Variants in SRRM5 observed in about 807,000 individuals in gnomAD.
SRRM5 encodes serine/arginine repetitive matrix protein 5.
SRRM5 carries 1 observed loss-of-function variant against 1.3 expected under a neutral mutation model. That is an observed-to-expected ratio of 0.76 (90% CI 0.27 to 3.59). SRRM5 has a LOEUF of 3.59. Among genes scored for constraint, SRRM5 ranks in the 30% most tolerant of loss-of-function variants. The probability of loss-of-function intolerance (pLI) is 0.19; values close to 1 mark genes in which losing one functional copy is unlikely to be tolerated. For synonymous variants in SRRM5, 275 were observed against 320.2 expected (o/e 0.86, Z 1.51); for missense variants, 875 against 914.5 (o/e 0.96, Z 0.56).
rs1303808991 is a variant in SRRM5, at chr19:43,613,398, G to C, written c.1277G>C (p.Ser426Thr). The part of the protein sequence containing the change: ...SRSPYKARDR[S>T]RSRSPNKARD... ...AGTCCCTACAAGGCGAGAGATCGCA[G>C]CCGATCTAGAAGTCCCAACAAGGCG... is the stretch of plus-strand genomic sequence containing the variant. The change falls in exon 1 of 1, where the codon AGC becomes ACC. Residue 426 changes from serine to threonine, a missense_variant. Coordinates refer to ENST00000417606, the MANE Select transcript of SRRM5 (RefSeq NM_001145641.2). 5 of 1,530,826 alleles carry C rather than the reference G, an allele frequency of 3.3e-6. No homozygotes were observed. In the Admixed American group the frequency reaches 8.1e-5, roughly 25 times the overall value. The allele number at this position is 1,530,826 out of a possible 1,614,324, so 94.8% of individuals were successfully genotyped here.
chr19:43,612,952 G>C lies in SRRM5; in HGVS notation c.831G>C (p.Arg277Ser). The change falls in exon 1 of 1, where the codon AGG becomes AGC. Residue 277 changes from arginine to serine, a missense_variant. By Grantham distance (110) the Arg-to-Ser change is moderately radical. Transcript: ENST00000417606. The surrounding 1 kb of genome is among the most constrained non-coding windows in gnomAD (Gnocchi z 4.2). Reference sequence around the variant, plus strand: ...ATAACCAGGCCAGCACCCGCAGCAGGCCGCAAAGTCACAGCCAATCTAGAA... The same window carrying C: ...ATAACCAGGCCAGCACCCGCAGCAGCCCGCAAAGTCACAGCCAATCTAGAA... ...KSYNQASTRS[R>S]PQSHSQSRSP... The C allele has an allele frequency of 6.4e-7, 1 of 1,551,682 alleles. No homozygotes were observed. The highest frequency in any genetic ancestry group is 8.7e-7 in the Non-Finnish European group (1 of 1,146,978).
At position 43,613,835 on chromosome 19, in the gene SRRM5, T is replaced by C. The variant is rs1051349338; in HGVS notation, c.1714T>C (p.Trp572Arg). 1.9e-6 allele frequency: 3 copies of C among 1,549,216 alleles called. No homozygotes were observed. The highest frequency in any genetic ancestry group is 2.6e-6 in the Non-Finnish European group (3 of 1,145,266). Residue 572 changes from tryptophan to arginine, a missense_variant, in exon 1 of 1, where the codon TGG becomes CGG. Transcript: ENST00000417606. Reference sequence around the variant, plus strand: ...CAGCAAAGAGAGAGATCGCAGACGATGGAGAAGCCCCAGCAAGGAGAGAGA... The same window carrying C: ...CAGCAAAGAGAGAGATCGCAGACGACGGAGAAGCCCCAGCAAGGAGAGAGA... ...SPSKERDRRR[W>R]RSPSKERERR...
chr19:43,613,060 G>A lies in SRRM5; in HGVS notation c.939G>A (p.Arg313=), dbSNP rs1352599502. 9.7e-6 allele frequency: 15 copies of A among 1,551,588 alleles called. No homozygotes were observed. The highest frequency in any genetic ancestry group is 1.2e-5 in the Non-Finnish European group (14 of 1,146,978). ...ACAGTTGGAAGAGAAACCATAGCAG[G>A]GCAAGAAGTCGCACCCGGAAGGGAA... The part of the protein sequence containing the change: ...RSHSWKRNHS[R]ARSRTRKGIL... The change falls in exon 1 of 1, where the codon AGG becomes AGA. Residue 313 remains arginine (R), a synonymous_variant. Transcript: ENST00000417606.
rs376502140 is a variant in SRRM5, at chr19:43,614,074, C to T, written c.1953C>T (p.Asp651=). The change falls in exon 1 of 1, where the codon GAC becomes GAT. Residue 651 remains aspartate (D), a synonymous_variant. Transcript: ENST00000417606. The part of the protein sequence containing the change: ...PSQSTVPRSP[D]WKRSPTRTSS... ...AATCTACAGTCCCCAGAAGTCCCGA[C>T]TGGAAGAGATCCCCTACTAGGACAA... The T allele has an allele frequency of 5.8e-6, 9 of 1,559,278 alleles. No individual in the cohort carries two copies. The African/African-American group carries it at 1.2e-4, about 21-fold the overall frequency.
chr19:43,613,263 G>T lies in SRRM5; in HGVS notation c.1142G>T (p.Ser381Ile). 1.3e-6 allele frequency: 2 copies of T among 1,551,640 alleles called. No homozygotes were observed. The highest frequency in any genetic ancestry group is 1.7e-6 in the Non-Finnish European group (2 of 1,146,978). Residue 381 changes from serine (S) to isoleucine (I), a missense_variant, in exon 1 of 1, where the codon AGC becomes ATC. By Grantham distance (142) the Ser-to-Ile change is moderately radical. Coordinates refer to ENST00000417606, the MANE Select transcript of SRRM5 (RefSeq NM_001145641.2). ...AAAGAGAGAGATCACAGGGGATCTA[G>T]CAGCCCCAGGAAGGAGAGTGGTCGC... ...SSKERDHRGS[S>I]SPRKESGRSQ...
At position 43,613,321 on chromosome 19, in the gene SRRM5, T is replaced by C; in HGVS notation, c.1200T>C (p.Asp400=). 6.4e-7 allele frequency: 1 copy of C among 1,551,008 alleles called. No homozygotes were observed. The highest frequency in any genetic ancestry group is 8.7e-7 in the Non-Finnish European group (1 of 1,146,880). Residue 400 remains aspartate, a synonymous_variant, in exon 1 of 1, where the codon GAT becomes GAC. Coordinates refer to ENST00000417606, the MANE Select transcript of SRRM5 (RefSeq NM_001145641.2). Reference sequence around the variant, plus strand: ...CAGGAAGCCCCAACAAGCAGAGAGATCACAGCCGATCTAGAAGTCCCAACA... The same window carrying C: ...CAGGAAGCCCCAACAAGCAGAGAGACCACAGCCGATCTAGAAGTCCCAACA... ...SQSGSPNKQR[D]HSRSRSPNKA... is the part of the protein sequence containing the mutation.
Position 43,612,453 on chromosome 19 carries a change from G to A in SRRM5, c.332G>A (p.Cys111Tyr). 2.6e-6 allele frequency: 4 copies of A among 1,551,564 alleles called. No individual in the cohort carries two copies. In the South Asian group the frequency reaches 3.6e-5, roughly 14 times the overall value. ...SKASKASDVR[C>Y]HQRRGTHSRG... ...GCCAGCAAGGCCAGCGACGTGAGAT[G>A]CCACCAGCGGAGGGGCACACACAGC... The change falls in exon 1 of 1, where the codon TGC becomes TAC. Residue 111 changes from cysteine to tyrosine, a missense_variant. Transcript: ENST00000417606. The surrounding 1 kb of genome is among the most constrained non-coding windows in gnomAD (Gnocchi z 4.2).
Position 43,614,426 on chromosome 19 carries a change from A to C in SRRM5, c.*157A>C. On this transcript the variant is annotated 3_prime_UTR_variant, in exon 1 of 1. Transcript: ENST00000417606. ...TCTAATACAGGATGTTGGCAGGTAG[A>C]GAGGGATGCTGGATAGGGGGAAAGG... is the stretch of plus-strand genomic sequence containing the variant. 6.8e-7 allele frequency: 1 copy of C among 1,460,190 alleles called. No homozygotes were observed. The highest frequency in any genetic ancestry group is 1.4e-5 in the African/African-American group (1 of 70,376). The allele number at this position is 1,460,190 out of a possible 1,614,324, so 90.5% of individuals were successfully genotyped here. A position where few individuals can be genotyped will look rare whatever the true frequency, so the allele number is the denominator to read the frequency against.
At position 43,614,341 on chromosome 19, in the gene SRRM5, C is replaced by A; in HGVS notation, c.*72C>A. On this transcript the variant is annotated 3_prime_UTR_variant, in exon 1 of 1. Transcript: ENST00000417606. ...GGGACAGGAGACAGGAGCAGAGCAG[C>A]AGCTGAGCAGCGTCCCTCCCCGGCC... 1 of 1,560,194 alleles carries A rather than the reference C, an allele frequency of 6.4e-7. No homozygotes were observed. Among genetic ancestry groups the A allele is most frequent in the South Asian group, 1.2e-5 (1 of 81,820 alleles).
rs1395652638 is a variant in SRRM5, at chr19:43,612,182, A to G, written c.61A>G (p.Met21Val). ...GTCTCTGGCACCCAGTGGATCCTCC[A>G]TGCCCACTGCGGATCCCAAGCCTCC... ...SMSLAPSGSS[M>V]PTADPKPPAS... Residue 21 changes from methionine (M) to valine (V), a missense_variant, in exon 1 of 1, where the codon ATG (methionine) becomes GTG (valine). By Grantham distance (21) the Met-to-Val change is conservative (BLOSUM62 1). Coordinates refer to ENST00000417606, the MANE Select transcript of SRRM5 (RefSeq NM_001145641.2). This position sits in a 1 kb window ranked among gnomAD's most constrained non-coding sequence, Gnocchi z 4.2. The G allele has an allele frequency of 6.4e-7, 1 of 1,551,720 alleles. No individual in the cohort carries two copies. Among genetic ancestry groups the G allele is most frequent in the African/African-American group, 1.4e-5 (1 of 73,174 alleles).
Position 43,612,860 on chromosome 19 carries a change from C to A in SRRM5, c.739C>A (p.Gln247Lys), listed in dbSNP as rs1973317623. Residue 247 changes from glutamine to lysine, a missense_variant, in exon 1 of 1, where the codon CAG becomes AAG. Gln to Lys is a moderately conservative substitution (Grantham distance 53). Coordinates refer to ENST00000417606, the MANE Select transcript of SRRM5 (RefSeq NM_001145641.2). The surrounding 1 kb of genome is among the most constrained non-coding windows in gnomAD (Gnocchi z 4.2). Reference protein sequence around the residue: ...SSSRKVKSYGQMIIPSREKSY... With the variant: ...SSSRKVKSYGKMIIPSREKSY... Reference sequence around the variant, plus strand: ...ATCAAGGAAGGTGAAGAGCTACGGTCAGATGATCATCCCCAGTAGGGAAAA... The same window carrying A: ...ATCAAGGAAGGTGAAGAGCTACGGTAAGATGATCATCCCCAGTAGGGAAAA... The A allele has an allele frequency of 6.4e-7, 1 of 1,551,586 alleles. No homozygotes were observed. Among genetic ancestry groups the A allele is most frequent in the Non-Finnish European group, 8.7e-7 (1 of 1,147,014 alleles).
At position 43,613,401 on chromosome 19, in the gene SRRM5, G is replaced by T. The variant is rs192490029; in HGVS notation, c.1280G>T (p.Arg427Leu). ...RSPYKARDRS[R>L]SRSPNKARDC... Reference sequence around the variant, plus strand: ...CCCTACAAGGCGAGAGATCGCAGCCGATCTAGAAGTCCCAACAAGGCGAGA... The same window carrying T: ...CCCTACAAGGCGAGAGATCGCAGCCTATCTAGAAGTCCCAACAAGGCGAGA... The change falls in exon 1 of 1, where the codon CGA becomes CTA. Residue 427 changes from arginine to leucine, a missense_variant. Arg to Leu is a moderately radical substitution (Grantham distance 102). Coordinates refer to ENST00000417606, the MANE Select transcript of SRRM5 (RefSeq NM_001145641.2). The T allele has an allele frequency of 6.5e-7, 1 of 1,530,216 alleles. No homozygotes were observed. The highest frequency in any genetic ancestry group is 1.2e-5 in the South Asian group (1 of 83,046). 94.8% of individuals were successfully genotyped at this position (1,530,216 alleles called of 1,614,324 possible). A position where few individuals can be genotyped will look rare whatever the true frequency, so the allele number is the denominator to read the frequency against.
chr19:43,613,832 C>T lies in SRRM5; in HGVS notation c.1711C>T (p.Arg571Ter), dbSNP rs140088988. The T allele has an allele frequency of 1.9e-5, 29 of 1,549,418 alleles. No individual in the cohort carries two copies. In the East Asian group the frequency reaches 2.4e-4, roughly 13 times the overall value. ...CCCCAGCAAAGAGAGAGATCGCAGA[C>T]GATGGAGAAGCCCCAGCAAGGAGAG... Residue 571 changes from arginine (R) to a stop codon, truncating the protein, a stop_gained, in exon 3 of 3, where the codon CGA becomes TGA. Coordinates refer to the SRRM5 transcript ENST00000607544. LOFTEE classifies it low-confidence loss of function (END_TRUNC).
In SRRM5 at chr19:43,613,859, G is replaced by C. The variant is rs746714366; in HGVS notation, c.1738G>C (p.Glu580Gln). Reference sequence around the variant, plus strand: ...ATGGAGAAGCCCCAGCAAGGAGAGAGAGCGCAGACAATCTAGAAGCTCCAG... The same window carrying C: ...ATGGAGAAGCCCCAGCAAGGAGAGACAGCGCAGACAATCTAGAAGCTCCAG... ...RRWRSPSKER[E>Q]RRQSRSSSEE... Residue 580 changes from glutamate (E) to glutamine (Q), a missense_variant, in exon 1 of 1, where the codon GAG (glutamate) becomes CAG (glutamine). By Grantham distance (29) the Glu-to-Gln change is conservative (BLOSUM62 2). Transcript: ENST00000417606. 3.2e-6 allele frequency: 5 copies of C among 1,550,238 alleles called. No homozygotes were observed. The South Asian group carries it at 3.6e-5, about 11-fold the overall frequency.
At position 43,613,503 on chromosome 19, in the gene SRRM5, A is replaced by AGCCGAT; in HGVS notation, c.1382_1383insGCCGAT (p.His461delinsGlnProIle). Reference sequence around the variant, plus strand: ...AGAAGTCCCAACAAGGCAAGAGATCATAGCCGATCTAGAAGTCCCAACAAG... The same window carrying AGCCGAT: ...AGAAGTCCCAACAAGGCAAGAGATCAGCCGATTAGCCGATCTAGAAGTCCCAACAAG... On this transcript the variant is annotated protein_altering_variant, in exon 1 of 1. Coordinates refer to ENST00000417606, the MANE Select transcript of SRRM5 (RefSeq NM_001145641.2). 2 of 1,540,608 alleles carry AGCCGAT rather than the reference A, an allele frequency of 1.3e-6. No homozygotes were observed. Among genetic ancestry groups the AGCCGAT allele is most frequent in the Non-Finnish European group, 1.7e-6 (2 of 1,146,038 alleles).
Position 43,613,429 on chromosome 19 carries a change from T to C in SRRM5, c.1308T>C (p.Asp436=). 9 of 1,528,496 alleles carry C rather than the reference T, an allele frequency of 5.9e-6. No homozygotes were observed. The highest frequency in any genetic ancestry group is 8.0e-6 in the Non-Finnish European group (9 of 1,131,360). The allele number at this position is 1,528,496 out of a possible 1,614,324, so 94.7% of individuals were successfully genotyped here. The change falls in exon 1 of 1, where the codon GAT becomes GAC. Residue 436 remains aspartate, a synonymous_variant. Coordinates refer to ENST00000417606, the MANE Select transcript of SRRM5 (RefSeq NM_001145641.2). ...CTAGAAGTCCCAACAAGGCGAGAGA[T>C]TGCAGCCGATCTAGAAGTCCCTACA... The part of the protein sequence containing the change: ...SRSRSPNKAR[D]CSRSRSPYKA...
rs777723566 is a variant in SRRM5, at chr19:43,613,473, G to A, written c.1352G>A (p.Arg451Gln). 2.9e-5 allele frequency: 45 copies of A among 1,544,282 alleles called. No homozygotes were observed. Among genetic ancestry groups the A allele is most frequent in the Admixed American group, 6.0e-5 (3 of 50,276 alleles). ...RSPYKARDRSRSRSPNKARDH... is the reference protein window; with the variant it reads ...RSPYKARDRSQSRSPNKARDH... ...CCCTACAAGGCGAGAGATCGCAGCC[G>A]ATCTAGAAGTCCCAACAAGGCAAGA... The change falls in exon 1 of 1, where the codon CGA (arginine) becomes CAA (glutamine). Residue 451 changes from arginine (R) to glutamine (Q), a missense_variant. By Grantham distance (43) the Arg-to-Gln change is conservative (BLOSUM62 1). Coordinates refer to ENST00000417606, the MANE Select transcript of SRRM5 (RefSeq NM_001145641.2).
rs553122513 is a variant in SRRM5 at position 43,614,260 on chromosome 19, G to A, written c.2139G>A (p.Lys713=). The A allele has an allele frequency of 3.7e-6, 6 of 1,613,842 alleles. No individual in the cohort carries two copies. In the South Asian group the frequency reaches 6.6e-5, roughly 18 times the overall value. Residue 713 remains lysine, a synonymous_variant, in exon 1 of 1, where the codon AAG becomes AAA. Transcript: ENST00000417606. Reference sequence around the variant, plus strand: ...AAAGGTCTTCATCATCTTCTTCCAAGCTGGCGTAGCCCCCAGTCTCAGCTG... The same window carrying A: ...AAAGGTCTTCATCATCTTCTTCCAAACTGGCGTAGCCCCCAGTCTCAGCTG... The part of the protein sequence containing the change: ...PGERSSSSSS[K]LA
In SRRM5 at chr19:43,612,763, C is replaced by CAGT; in HGVS notation, c.644_646dup (p.Ser215dup). ...GGAGTTCCGAGCTGGCTGTAACTCC[C>CAGT]AGTACAGCCAAGTGTCAAACCCCGA... On this transcript the variant is annotated inframe_insertion, in exon 1 of 1. Coordinates refer to ENST00000417606, the MANE Select transcript of SRRM5 (RefSeq NM_001145641.2). This position sits in a 1 kb window ranked among gnomAD's most constrained non-coding sequence, Gnocchi z 4.2. 1 of 1,551,642 alleles carries CAGT rather than the reference C, an allele frequency of 6.4e-7. No individual in the cohort carries two copies. The highest frequency in any genetic ancestry group is 8.7e-7 in the Non-Finnish European group (1 of 1,146,996).
Sources: allele counts gnomAD v4.1 joint callset, GRCh38; gene constraint gnomAD v4.1.1; non-coding constraint Gnocchi (gnomAD v3.1); transcripts MANE v1.5; gene names NCBI Gene and HGNC (gene_info 2026-07-23, HGNC 2026-07-21).